The following PKD1 variants were observed in gnomAD, a reference collection of about 807,000 sequenced individuals.
PKD1 encodes the protein polycystin 1, transient receptor potential channel interacting.
PKD1 carries 81 observed loss-of-function variants against 361.7 expected under a neutral mutation model. The ratio of observed to expected loss-of-function variants is 0.22; its 90% CI spans 0.19 to 0.27. The LOEUF is 0.27. PKD1 is among the 10% of genes least tolerant of loss of function. The pLI is 1.00. For synonymous variants in PKD1, 3,615 were observed against 2,818.3 expected, an observed-to-expected ratio of 1.28 and a Z score of -8.95; for missense variants, 6,399 against 6,118.3, an observed-to-expected ratio of 1.05 and a Z score of -1.53.
At position 2,118,101 on chromosome 16, in the gene PKD1, C is replaced by T. The variant is rs751869601; in HGVS notation, c.891G>A (p.Pro297=). Residue 297 remains proline, a synonymous_variant, in exon 5 of 46, where the codon CCG becomes CCA. Transcript: ENST00000262304. This position sits in a 1 kb window ranked among gnomAD's most constrained non-coding sequence, Gnocchi z 6.0. ...GQLAAFHIAA[P]LPVTATRWDF... Reference sequence around the variant, plus strand: ...CCCAGCGTGTGGCAGTGACAGGGAGCGGGGCAGCGATGTGGAAGGCTGCTA... The same window carrying T: ...CCCAGCGTGTGGCAGTGACAGGGAGTGGGGCAGCGATGTGGAAGGCTGCTA... 72 of 1,605,890 alleles carry T rather than the reference C, an allele frequency of 4.5e-5. No homozygotes were observed. The highest frequency in any genetic ancestry group is 8.0e-5 in the African/African-American group (6 of 74,814).
At position 2,109,585 on chromosome 16, in the gene PKD1, G is replaced by T. The variant is rs148763212; in HGVS notation, c.5582C>A (p.Thr1861Asn). 6.2e-7 allele frequency: 1 copy of T among 1,611,556 alleles called. No homozygotes were observed. Among genetic ancestry groups the T allele is most frequent in the Non-Finnish European group, 8.5e-7 (1 of 1,179,534 alleles). Residue 1861 changes from threonine to asparagine, a missense_variant, in exon 15 of 46, where the codon ACC becomes AAC. Thr to Asn is a moderately conservative substitution (Grantham distance 65). Coordinates refer to ENST00000262304, the MANE Select transcript of PKD1 (RefSeq NM_001009944.3). The part of the protein sequence containing the change: ...HVTMVFPDAG[T>N]FSIRLNASNA... ...GGAGGCATTGAGCCGGATGGAGAAG[G>T]TGCCAGCATCCGGGAAGACCATGGT...
intron 21 of PKD1, among the ~76,000 whole-genome samples, chr16:2,105,062 C>A (rs1408132857): frequency 2.0e-5 from 2 of 97,684 alleles, no homozygotes; most frequent in African/African-American, 8.0e-5. Flanking sequence ...GAGTGGAGGG[C>A]ACAGAGCAGC....
rs770961371 is a variant in PKD1 at position 2,110,943 on chromosome 16, G to C, written c.4224C>G (p.Phe1408Leu). 7 of 1,610,818 alleles carry C rather than the reference G, an allele frequency of 4.3e-6. No individual in the cohort carries two copies. ...CAAAGTCCCAGGTGTAGCGGTAGGG[G>C]AACGGGGGCCAGGCACATGCCACCA... ...AWLVACAWPP[F>L]PYRYTWDFGT... Residue 1408 changes from phenylalanine (F) to leucine (L), a missense_variant, in exon 15 of 46, where the codon TTC becomes TTG. Coordinates refer to ENST00000262304, the MANE Select transcript of PKD1 (RefSeq NM_001009944.3).
chr16:2,088,868 C>T lies in PKD1; in HGVS notation c.*859G>A, dbSNP rs13332377. ...CTGCCTGGGCCATACAGCACACTCG[C>T]GCGTGCGCGCGCGCACACACACACA... On this transcript the variant is annotated 3_prime_UTR_variant, in exon 46 of 46. Transcript: ENST00000262304. 67,261 of 521,830 alleles carry T rather than the reference C, an allele frequency of 0.13. 7,701 individuals are homozygous for T. The highest frequency in any genetic ancestry group is 0.46 in the African/African-American group (22,716 of 49,202). The allele number at this position is 521,830 out of a possible 1,614,324, so 32.3% of individuals were successfully genotyped here. A position where few individuals can be genotyped will look rare whatever the true frequency, so the allele number is the denominator to read the frequency against.
rs1349398113 is a variant in PKD1, at chr16:2,093,975, A to G, written c.10657T>C (p.Trp3553Arg). 2 of 1,587,420 alleles carry G rather than the reference A, an allele frequency of 1.3e-6. No homozygotes were observed. The highest frequency in any genetic ancestry group is 8.5e-7 in the Non-Finnish European group (1 of 1,169,882). Reference sequence around the variant, plus strand: ...AGCCCGTGGGCCAGGGAGGCACACCAGGCCGGCAGCAGGCGCTTCCGCAGA... The same window carrying G: ...AGCCCGTGGGCCAGGGAGGCACACCGGGCCGGCAGCAGGCGCTTCCGCAGA... Reference protein sequence around the residue: ...EGLRKRLLPAWCASLAHGLSL... With the variant: ...EGLRKRLLPARCASLAHGLSL... Residue 3553 changes from tryptophan (W) to arginine (R), a missense_variant, in exon 36 of 46, where the codon TGG becomes CGG. By Grantham distance (101) the Trp-to-Arg change is moderately radical (BLOSUM62 -3). Coordinates refer to ENST00000262304, the MANE Select transcript of PKD1 (RefSeq NM_001009944.3).
chr16:2,135,476 G>A lies in PKD1; in HGVS notation c.214C>T (p.Leu72=), dbSNP rs972113626. ...ALRIPADATA[L]DVSHNLLRAL... Reference sequence around the variant, plus strand: ...GGTGCCGCTGGGCCCGCTACTCACAGCGCTGTGGCGTCCGCGGGGATGCGC... The same window carrying A: ...GGTGCCGCTGGGCCCGCTACTCACAACGCTGTGGCGTCCGCGGGGATGCGC... Residue 72 remains leucine, a splice_region_variant and synonymous_variant, in exon 1 of 46, where the codon CTA becomes TTA. Transcript: ENST00000262304. 1,144 of 1,168,464 alleles carry A rather than the reference G, an allele frequency of 9.8e-4. 17 individuals are homozygous for A. In the African/African-American group the frequency reaches 0.017, roughly 18 times the overall value. 72.4% of individuals were successfully genotyped at this position (1,168,464 alleles called of 1,614,324 possible). A position where few individuals can be genotyped will look rare whatever the true frequency, so the allele number is the denominator to read the frequency against.
At chr16:2,124,197 G>A (rs918636809) in intron 1 of PKD1, among the ~76,000 whole-genome samples, 8 of 152,238 alleles carry the variant, frequency 5.3e-5, no homozygotes, top group African/African-American at 1.7e-4. Context: ...CACAGGTGGG[G>A]CCACGTCCCA....
Position 2,102,717 on chromosome 16 carries a change from C to T in PKD1, c.8949-84G>A, listed in dbSNP as rs1338309598. 2.5e-6 allele frequency: 4 copies of T among 1,605,712 alleles called. No individual in the cohort carries two copies. In the African/African-American group the frequency reaches 4.0e-5, roughly 16 times the overall value. On this transcript the variant is annotated intron_variant, in intron 24 of 45. Transcript: ENST00000262304. ...TCTCAGAGCCCATACCCGGTCCAGT[C>T]CCCTCGCTGCCTGCCGTCCCCATGG...
At chr16:2,094,472 G>A (rs2091758613) in intron 34 of PKD1, among the ~76,000 whole-genome samples, 1 of 152,186 alleles carries the variant, frequency 6.6e-6, no homozygotes, top group Non-Finnish European at 1.5e-5. Context: ...ATCGCCCACA[G>A]CCTGACCAGC....
At chr16:2,096,995 AGAC>A in intron 34 of PKD1, 150 bp downstream of exon 34, 11 of 646,462 alleles carry the variant, frequency 1.7e-5, no homozygotes, top group Non-Finnish European at 2.8e-5. Flanking sequence ...CTCTTTCCAC[AGAC>A]AACAGAGGTT....
intron 1 of PKD1, among the ~76,000 whole-genome samples, chr16:2,123,149 G>A (rs554465201): frequency 6.6e-5 from 10 of 152,270 alleles, no homozygotes; most frequent in Non-Finnish European, 1.3e-4. Flanking sequence ...GCCTGTCACC[G>A]GTTCTGGCCA....
chr16:2,117,127 G>A (rs1235696689), intron 6 of PKD1, 74 bp from the exon 7 acceptor site: 28 of 744,748 alleles, frequency 3.8e-5, no homozygotes, highest in Non-Finnish European at 6.2e-5. Flanking sequence ...AGCCCGCTGG[G>A]AGCCCCATCA....
In PKD1 at chr16:2,091,017, C is replaced by A; in HGVS notation, c.11870G>T (p.Gly3957Val). The A allele has an allele frequency of 6.5e-7, 1 of 1,532,946 alleles. No homozygotes were observed. The highest frequency in any genetic ancestry group is 8.7e-7 in the Non-Finnish European group (1 of 1,145,312). 95.0% of individuals were successfully genotyped at this position (1,532,946 alleles called of 1,614,324 possible). A position where few individuals can be genotyped will look rare whatever the true frequency, so the allele number is the denominator to read the frequency against. ...ATALVRLAQL[G>V]AADRQWTRFV... Reference sequence around the variant, plus strand: ...ACGGGTCCACTGGCGGTCAGCGGCACCCAGCTGGGCGAGGCGTACCAGTGC... The same window carrying A: ...ACGGGTCCACTGGCGGTCAGCGGCAACCAGCTGGGCGAGGCGTACCAGTGC... The change falls in exon 43 of 46, where the codon GGT (glycine) becomes GTT (valine). Residue 3957 changes from glycine to valine, a missense_variant. Transcript: ENST00000262304.
chr16:2,103,728 C>G lies in PKD1; in HGVS notation c.8329G>C (p.Ala2777Pro). Reference protein sequence around the residue: ...RVLNEEPLTLAGEEIVAQGKR... With the variant: ...RVLNEEPLTLPGEEIVAQGKR... ...CCCTGGGCCACGATCTCCTCGCCCG[C>G]CAGCGTCAGGGGCTCCTCGTTGAGC... Residue 2777 changes from alanine (A) to proline (P), a missense_variant, in exon 23 of 46, where the codon GCG becomes CCG. By Grantham distance (27) the Ala-to-Pro change is conservative (BLOSUM62 -1). Coordinates refer to ENST00000262304, the MANE Select transcript of PKD1 (RefSeq NM_001009944.3). The G allele has an allele frequency of 6.2e-7, 1 of 1,610,052 alleles. No individual in the cohort carries two copies. Among genetic ancestry groups the G allele is most frequent in the South Asian group, 1.1e-5 (1 of 90,968 alleles).
At chr16:2,094,807 A>AG (rs1372608915) in intron 34 of PKD1, 2 of 155,534 alleles carry the variant, frequency 1.3e-5, no homozygotes, top group Non-Finnish European at 2.8e-5. Context: ...AGAGGTACAG[A>AG]GGCAGCGAAG....
chr16:2,091,772 A>C lies in PKD1; in HGVS notation c.11537+9T>G. The C allele has an allele frequency of 6.2e-7, 1 of 1,608,810 alleles. No homozygotes were observed. The highest frequency in any genetic ancestry group is 1.1e-5 in the South Asian group (1 of 90,592). On this transcript the variant is annotated intron_variant, in intron 41 of 45. Coordinates refer to ENST00000262304, the MANE Select transcript of PKD1 (RefSeq NM_001009944.3). ...CCACCCCGGAGAGGGCAGGGGAGGG[A>C]GCTCCCACCTGTTGTCCAGCCAGTT... is the stretch of plus-strand genomic sequence containing the variant.
chr16:2,131,138 C>G (rs1372253421), intron 1 of PKD1, among the ~76,000 whole-genome samples: 3 of 152,282 alleles, frequency 2.0e-5, no homozygotes, highest in South Asian at 4.2e-4. Context: ...CAAGACACAG[C>G]GAGAAATCCA....
intron 11 of PKD1, chr16:2,113,899 C>T (rs2092582541): frequency 3.7e-6 from 2 of 544,748 alleles, no homozygotes; most frequent in Middle Eastern, 5.0e-4. Context: ...CACGGGGGCT[C>T]GTGTGAGGTC....
At chr16:2,097,577 C>A in intron 32 of PKD1, 74 bp from the exon 33 acceptor site, 1 of 1,604,876 alleles carries the variant, frequency 6.2e-7, no homozygotes, top group Non-Finnish European at 8.5e-7. Context: ...CAGTCACGCA[C>A]GGACACCCTG....
Sources: allele counts gnomAD v4.1 joint callset (sites outside exome capture counted in the v4.1 genomes callset), GRCh38; gene constraint gnomAD v4.1.1; non-coding constraint Gnocchi (gnomAD v3.1); transcripts MANE v1.5; gene names NCBI Gene and HGNC (gene_info 2026-07-23, HGNC 2026-07-21).